Variants in MDN1 observed in about 807,000 individuals in gnomAD.
MDN1 encodes midasin.
In MDN1, 266 loss-of-function variants were observed where a neutral mutation model predicts 669.2. The ratio of observed to expected loss-of-function variants is 0.40; its 90% CI spans 0.36 to 0.44. The LOEUF (loss-of-function observed/expected upper bound fraction) is 0.44, where lower values mean the gene tolerates loss of function less well. MDN1 is among the 20% of genes least tolerant of loss of function. The pLI, the probability that MDN1 is intolerant of heterozygous loss-of-function variation, is 1.00. For synonymous variants in MDN1, 2,385 were observed against 2,457.1 expected (o/e 0.97, Z 0.87); for missense variants, 5,940 against 6,754.0 (o/e 0.88, Z 4.22).
At chr6:89,653,505 T>C (rs1809031308) in intron 93 of MDN1, among the ~76,000 whole-genome samples, 1 of 152,256 alleles carries the variant, frequency 6.6e-6, no homozygotes, top group Admixed American at 6.5e-5. Context: ...AATTCCATTT[T>C]ACAGAAGAGG....
In MDN1 at chr6:89,646,622, T is replaced by C. The variant is rs1808505736; in HGVS notation, c.16396-19A>G. 2.5e-6 allele frequency: 4 copies of C among 1,607,380 alleles called. No homozygotes were observed. Among genetic ancestry groups the C allele is most frequent in the Non-Finnish European group, 3.4e-6 (4 of 1,173,932 alleles). On this transcript the variant is annotated intron_variant, in intron 99 of 101. Coordinates refer to ENST00000369393, the MANE Select transcript of MDN1 (RefSeq NM_014611.3). The stretch of plus-strand genomic sequence containing the variant: ...CTAGAAACTAAACCGGAACCAGGAA[T>C]AGACAATTAGAAAACTATGTGAATG...
In MDN1 at chr6:89,655,804, G is replaced by A. The variant is rs1452221882; in HGVS notation, c.15450C>T (p.His5150=). The part of the protein sequence containing the change: ...AQVEDADAFE[H]IKQGSDAYDA... ...CGTATGCGTCACTGCCTTGTTTAAT[G>A]TGCTCGAATGCATCTGCATCCTCCA... is the stretch of plus-strand genomic sequence containing the variant. The change falls in exon 92 of 102, where the codon CAC becomes CAT. Residue 5150 remains histidine (H), a synonymous_variant. Transcript: ENST00000369393. The A allele has an allele frequency of 2.5e-6, 4 of 1,613,404 alleles. No homozygotes were observed. The highest frequency in any genetic ancestry group is 3.4e-6 in the Non-Finnish European group (4 of 1,179,800).
At chr6:89,801,664 A>G (rs559415471) in intron 2 of MDN1, among the ~76,000 whole-genome samples, 32 of 152,034 alleles carry the variant, frequency 2.1e-4, no homozygotes, top group Non-Finnish European at 4.1e-4. Flanking sequence ...AAAAAACAAA[A>G]CAAAACACAA....
intron 77 of MDN1, 88 bp downstream of exon 77, chr6:89,676,014 C>T: frequency 8.4e-7 from 1 of 1,195,426 alleles, no homozygotes; most frequent in Middle Eastern, 2.1e-4. Context: ...GCTGTTATCA[C>T]TTAACAAGGT....
intron 101 of MDN1, 31 bp from the exon 102 acceptor site, chr6:89,644,224 G>A: frequency 1.3e-6 from 2 of 1,565,710 alleles, no homozygotes; most frequent in East Asian, 4.5e-5. Flanking sequence ...GAAATGGGGA[G>A]GCAGCGATTA....
intron 40 of MDN1, among the ~76,000 whole-genome samples, chr6:89,722,462 T>G (rs934131223): frequency 6.6e-6 from 1 of 152,226 alleles, no homozygotes; most frequent in Non-Finnish European, 1.5e-5. Flanking sequence ...AAGCAAATTA[T>G]GTCCTCTAAA....
At chr6:89,761,115 G>A (rs773995971) in intron 17 of MDN1, among the ~76,000 whole-genome samples, 10 of 152,044 alleles carry the variant, frequency 6.6e-5, no homozygotes, top group Admixed American at 2.0e-4. Flanking sequence ...GCAGTGAGCC[G>A]AGACTGTGCC....
chr6:89,737,867 G>T (rs1816079087), intron 33 of MDN1, among the ~76,000 whole-genome samples: 1 of 151,860 alleles, frequency 6.6e-6, no homozygotes, highest in Non-Finnish European at 1.5e-5. Flanking sequence ...GGGATTACAG[G>T]TGCCCACCAC....
Position 89,794,711 on chromosome 6 carries a change from A to C in MDN1, c.420T>G (p.Arg140=). The part of the protein sequence containing the change: ...SSDANPVRYG[R]RRMKLRDLME... ...TTAGGTCCCGGAGCTTCATCCTCCT[A>C]CGTCCATAGCGTACTGGATTAGCAT... The change falls in exon 3 of 102, where the codon CGT becomes CGG. Residue 140 remains arginine, a synonymous_variant. Transcript: ENST00000369393. 1 of 1,614,204 alleles carries C rather than the reference A, an allele frequency of 6.2e-7. No individual in the cohort carries two copies. The highest frequency in any genetic ancestry group is 8.5e-7 in the Non-Finnish European group (1 of 1,180,036).
intron 85 of MDN1, among the ~76,000 whole-genome samples, chr6:89,663,902 A>G (rs1809992409): frequency 6.6e-6 from 1 of 150,864 alleles, no homozygotes; most frequent in Non-Finnish European, 1.5e-5. Context: ...AGATTGCACC[A>G]CTGTACTCTA....
At chr6:89,706,250 A>G in intron 52 of MDN1, 58 bp from the exon 53 acceptor site, 3 of 1,521,760 alleles carry the variant, frequency 2.0e-6, no homozygotes, top group Non-Finnish European at 2.7e-6. Flanking sequence ...TAATCTCTGG[A>G]CATTTTCAAA....
intron 93 of MDN1, 115 bp from the exon 94 acceptor site, chr6:89,653,270 A>C: frequency 5.9e-6 from 6 of 1,015,630 alleles, no homozygotes; most frequent in Non-Finnish European, 8.6e-6. Flanking sequence ...TTCACTCTCC[A>C]ACACATTTCC....
intron 15 of MDN1, among the ~76,000 whole-genome samples, chr6:89,769,279 T>C (rs1475704689): frequency 6.6e-6 from 1 of 152,218 alleles, no homozygotes; most frequent in Non-Finnish European, 1.5e-5. Context: ...TCTTCTACAA[T>C]GATTCTTAAA....
At chr6:89,726,227 G>A (rs539718576) in intron 37 of MDN1, among the ~76,000 whole-genome samples, 89 of 152,128 alleles carry the variant, frequency 5.9e-4, no homozygotes, top group Non-Finnish European at 1.0e-3. Flanking sequence ...TTGGAAGGCC[G>A]AGGCAGGTGG....
At position 89,692,479 on chromosome 6, in the gene MDN1, G is replaced by A. The variant is rs1236789429; in HGVS notation, c.10551C>T (p.Asp3517=). Residue 3517 remains aspartate (D), a synonymous_variant, in exon 63 of 102, where the codon GAC becomes GAT. Transcript: ENST00000369393. ...RSHVLCKGEL[D]QRALQLFRHV... Reference sequence around the variant, plus strand: ...GTCTGAAGAGCTGCAGGGCCCTCTGGTCCAACTCTCCCTTGCATAACACGT... The same window carrying A: ...GTCTGAAGAGCTGCAGGGCCCTCTGATCCAACTCTCCCTTGCATAACACGT... The A allele has an allele frequency of 1.4e-5, 23 of 1,613,886 alleles. No homozygotes were observed. The highest frequency in any genetic ancestry group is 1.8e-5 in the Non-Finnish European group (21 of 1,179,934).
chr6:89,760,234 C>A (rs966399800), intron 17 of MDN1, among the ~76,000 whole-genome samples: 1 of 152,080 alleles, frequency 6.6e-6, no homozygotes, highest in Admixed American at 6.6e-5. Flanking sequence ...TTTAAATGAC[C>A]AAGCCACAAA....
intron 27 of MDN1, 99 bp downstream of exon 27, chr6:89,747,230 A>C (rs1816682107): frequency 2.9e-6 from 4 of 1,376,254 alleles, no homozygotes; most frequent in Non-Finnish European, 4.0e-6. Context: ...TACCTAGTCA[A>C]ATGTATGTAT....
chr6:89,774,847 C>T, intron 12 of MDN1, 114 bp from the exon 13 acceptor site: 1 of 651,782 alleles, frequency 1.5e-6, no homozygotes, highest in East Asian at 2.9e-5. Flanking sequence ...TTATTCTCTA[C>T]TTCCCAGATA....
At chr6:89,776,137 C>T (rs556729957) in intron 12 of MDN1, among the ~76,000 whole-genome samples, 19 of 152,238 alleles carry the variant, frequency 1.2e-4, no homozygotes, top group African/African-American at 4.1e-4. Context: ...ACACTGAAGA[C>T]GACACAGGAC....
Sources: gnomAD v4.1 joint callset for allele counts (sites outside exome capture counted in the v4.1 genomes callset) on GRCh38, gnomAD v4.1.1 for gene constraint, MANE v1.5 for transcripts, NCBI Gene and HGNC (gene_info 2026-07-23, HGNC 2026-07-21) for gene names.